NOX4: variants seen among roughly 807,000 people sequenced by gnomAD.
The protein encoded by NOX4 is NADPH oxidase 4, also known as kidney oxidase-1.
NOX4 carries 69 observed loss-of-function variants against 87.6 expected under a neutral mutation model. The observed-to-expected ratio is 0.79, with a 90% CI of 0.65 to 0.96. The LOEUF (loss-of-function observed/expected upper bound fraction) is 0.96. Among genes scored for constraint, NOX4 ranks in the 40% least tolerant of loss-of-function variants. The pLI is 0.00. For synonymous variants in NOX4, 275 were observed against 238.2 expected, an observed-to-expected ratio of 1.15 and a Z score of -1.42; for missense variants, 680 against 681.5, an observed-to-expected ratio of 1.00 and a Z score of 0.02.
rs1945155079 is a variant in NOX4, at chr11:89,324,783, T to C, written c.*1973A>G. 1.3e-5 allele frequency: 2 copies of C among 152,244 alleles called. No individual in the cohort carries two copies. The highest frequency in any genetic ancestry group is 4.8e-5 in the African/African-American group (2 of 41,462). The allele number at this position is 152,244 out of a possible 1,614,324, so 9.4% of individuals were successfully genotyped here. On this transcript the variant is annotated 3_prime_UTR_variant, in exon 18 of 18. Coordinates refer to ENST00000263317, the MANE Select transcript of NOX4 (RefSeq NM_016931.5). ...TCTAAAGACTGTTGTCAAGACATAC[T>C]AGTTATTAAATATGCCTTCAGAGCT...
intron 7 of NOX4, among the ~76,000 whole-genome samples, chr11:89,430,908 G>T (rs1222702886): frequency 6.6e-6 from 1 of 152,098 alleles, no homozygotes; most frequent in Non-Finnish European, 1.5e-5. Context: ...ACAATCCTAA[G>T]CCAAAAGAAC....
chr11:89,451,783 A>C lies in NOX4; in HGVS notation c.264+2T>G, dbSNP rs1454651867. On this transcript the variant is annotated splice_donor_variant, in intron 3 of 17. Transcript: ENST00000263317. LOFTEE classifies it high-confidence loss of function. ...TTTGAAAGTAGGACTGTTTTTTCTT[A>C]CCTTCTGTGATCCTCGGAGGTAAGC... 1 of 1,598,012 alleles carries C rather than the reference A, an allele frequency of 6.3e-7. No homozygotes were observed.
the NOX4 span, among the ~76,000 whole-genome samples, chr11:89,568,145 G>GC: frequency 5.3e-5 from 8 of 152,124 alleles, no homozygotes; most frequent in South Asian, 2.1e-4. Flanking sequence ...GCTGAGCCTG[G>GC]CCCCCCGTGA....
At chr11:89,402,610 G>A (rs556094377) in intron 8 of NOX4, 68 bp from the exon 9 acceptor site, 23 of 1,230,236 alleles carry the variant, frequency 1.9e-5, no homozygotes, top group Non-Finnish European at 2.6e-5. Context: ...CACGGTAAAA[G>A]AAAATAATGT....
At chr11:89,338,129 T>C (rs1251423563) in intron 15 of NOX4, among the ~76,000 whole-genome samples, 1 of 152,068 alleles carries the variant, frequency 6.6e-6, no homozygotes, top group Non-Finnish European at 1.5e-5. Flanking sequence ...GAGAGGATTT[T>C]ACTGTATCTG....
At chr11:89,450,567 CTATT>C (rs1565309212) in intron 3 of NOX4, among the ~76,000 whole-genome samples, 2 of 151,782 alleles carry the variant, frequency 1.3e-5, no homozygotes, top group South Asian at 4.2e-4. Flanking sequence ...CATGACATCA[CTATT>C]TATTATTATT....
At chr11:89,536,237 C>T in the NOX4 span, among the ~76,000 whole-genome samples, 3 of 150,254 alleles carry the variant, frequency 2.0e-5, no homozygotes. Flanking sequence ...AGCTCCGCCT[C>T]CCGGGTTCAC....
At chr11:89,463,965 A>G (rs1945574130) in intron 2 of NOX4, among the ~76,000 whole-genome samples, 1 of 152,070 alleles carries the variant, frequency 6.6e-6, no homozygotes, top group African/African-American at 2.4e-5. Flanking sequence ...TTTAGCTCAA[A>G]GGATTGTATA....
chr11:89,332,081 T>A (rs1343205214), intron 17 of NOX4, among the ~76,000 whole-genome samples: 2 of 151,822 alleles, frequency 1.3e-5, no homozygotes, highest in Non-Finnish European at 2.9e-5. Flanking sequence ...GGGGTAGACA[T>A]TAGAAACTAG....
chr11:89,439,261 T>C (rs984621056), intron 6 of NOX4, among the ~76,000 whole-genome samples: 1 of 151,564 alleles, frequency 6.6e-6, no homozygotes, highest in African/African-American at 2.4e-5. Context: ...AAAAATACAT[T>C]GGTTGATACG....
In NOX4 at chr11:89,400,016, C is replaced by A. The variant is rs1237834862; in HGVS notation, c.1074+1G>T. On this transcript the variant is annotated splice_donor_variant, in intron 11 of 17. Coordinates refer to ENST00000263317, the MANE Select transcript of NOX4 (RefSeq NM_016931.5). LOFTEE classifies it high-confidence loss of function. Reference sequence around the variant, plus strand: ...GAAAAAGCAAGAGATATGTTTCTTACCATTGTGAGGGTAAATGGATGATTT... The same window carrying A: ...GAAAAAGCAAGAGATATGTTTCTTAACATTGTGAGGGTAAATGGATGATTT... 3.7e-6 allele frequency: 6 copies of A among 1,605,298 alleles called. No homozygotes were observed. The highest frequency in any genetic ancestry group is 5.1e-6 in the Non-Finnish European group (6 of 1,173,836).
chr11:89,535,980 C>G, the NOX4 span, among the ~76,000 whole-genome samples: 1 of 152,070 alleles, frequency 6.6e-6, no homozygotes, highest in Non-Finnish European at 1.5e-5. Context: ...TGCACTTTTT[C>G]TTACCCGGAA....
intron 11 of NOX4, among the ~76,000 whole-genome samples, chr11:89,379,210 G>A (rs1940093737): frequency 2.0e-5 from 3 of 152,126 alleles, no homozygotes; most frequent in Admixed American, 6.6e-5. Context: ...ACAAGTGGAT[G>A]AGGTAGCCAT....
chr11:89,475,084 T>A (rs546392543), intron 2 of NOX4, among the ~76,000 whole-genome samples: 15 of 151,934 alleles, frequency 9.9e-5, no homozygotes, highest in African/African-American at 3.6e-4. Flanking sequence ...GCTTAAGGAG[T>A]TTGTGATAAC....
intron 7 of NOX4, among the ~76,000 whole-genome samples, chr11:89,427,388 G>A (rs1020574614): frequency 2.6e-5 from 4 of 152,184 alleles, no homozygotes; most frequent in African/African-American, 9.7e-5. Context: ...ATTTTGACGA[G>A]TTGAGAGAAG....
chr11:89,477,792 C>G (rs1021805747), intron 2 of NOX4, among the ~76,000 whole-genome samples: 5 of 151,900 alleles, frequency 3.3e-5, no homozygotes, highest in Admixed American at 3.3e-4. Flanking sequence ...TTATAAAGGC[C>G]AAGAATTTGG....
chr11:89,355,685 A>G (rs768937444), intron 12 of NOX4, among the ~76,000 whole-genome samples: 13 of 152,240 alleles, frequency 8.5e-5, no homozygotes, highest in Middle Eastern at 6.8e-3. Flanking sequence ...TGATCAACCT[A>G]AGCTCTTATG....
At chr11:89,449,125 C>A (rs567023815) in intron 4 of NOX4, among the ~76,000 whole-genome samples, 2 of 152,224 alleles carry the variant, frequency 1.3e-5, no homozygotes, top group South Asian at 2.1e-4. Context: ...TGGAAAAGAA[C>A]TACTAAGCTA....
At chr11:89,538,179 C>G in the NOX4 span, among the ~76,000 whole-genome samples, 1 of 152,316 alleles carries the variant, frequency 6.6e-6, no homozygotes, top group South Asian at 2.1e-4. Flanking sequence ...TTCCATTCAT[C>G]TATGTGCCAA....
Sources: gnomAD v4.1 joint callset for allele counts (sites outside exome capture counted in the v4.1 genomes callset) on GRCh38, gnomAD v4.1.1 for gene constraint, MANE v1.5 for transcripts, NCBI Gene and HGNC (gene_info 2026-07-23, HGNC 2026-07-21) for gene names.